ARHGAP15: variants seen among roughly 807,000 people sequenced by gnomAD.
ARHGAP15 encodes the protein Rho GTPase activating protein 15.
ARHGAP15 carries 51 observed loss-of-function variants against 63.7 expected under a neutral mutation model. The ratio of observed to expected loss-of-function variants is 0.80; its 90% CI spans 0.64 to 1.01. ARHGAP15 has a LOEUF of 1.01. ARHGAP15 is among the 50% of genes least tolerant of loss of function. The pLI is 0.00. For synonymous variants in ARHGAP15, 191 were observed against 193.8 expected (o/e 0.99, Z 0.12); for missense variants, 560 against 564.6 (o/e 0.99, Z 0.08).
intron 10 of ARHGAP15, among the ~76,000 whole-genome samples, chr2:143,543,667 A>T (rs1033004116): frequency 6.6e-6 from 1 of 151,944 alleles, no homozygotes; most frequent in Non-Finnish European, 1.5e-5. Context: ...ATAAATATGT[A>T]TGTGTATATA....
chr2:143,680,099 T>G (rs1382509084), intron 12 of ARHGAP15, among the ~76,000 whole-genome samples: 5 of 150,684 alleles, frequency 3.3e-5, no homozygotes, highest in Admixed American at 1.3e-4. Context: ...GAGGAATAGT[T>G]AAATCATTTG....
At chr2:143,256,513 A>T (rs78956361) in intron 6 of ARHGAP15, among the ~76,000 whole-genome samples, 3,392 of 152,226 alleles carry the variant, frequency 0.022, 62 homozygotes, top group Non-Finnish European at 0.033. Context: ...AATACTTAAA[A>T]GCATATCACC....
At chr2:143,184,111 T>C (rs950901819) in intron 2 of ARHGAP15, among the ~76,000 whole-genome samples, 1 of 152,124 alleles carries the variant, frequency 6.6e-6, no homozygotes, top group Non-Finnish European at 1.5e-5. Context: ...TATTTTGAAG[T>C]ATATCATGTA....
Position 143,658,339 on chromosome 2 carries a change from T to C in ARHGAP15, c.1138+34072T>C, listed in dbSNP as rs1433339815. ...GGACAGAGCAGGGTAGAACTTCGGGTGTATTTGTATCAAAAGCCTATACTC... is the reference window on the plus strand; with the variant it reads ...GGACAGAGCAGGGTAGAACTTCGGGCGTATTTGTATCAAAAGCCTATACTC... On this transcript the variant is annotated intron_variant, in intron 12 of 13. Coordinates refer to ENST00000295095, the MANE Select transcript of ARHGAP15 (RefSeq NM_018460.4). Among the ~76,000 whole-genome samples, 3 of 152,186 alleles carry C rather than the reference T, an allele frequency of 2.0e-5. No homozygotes were observed. In the East Asian group the frequency reaches 5.8e-4, roughly 29 times the overall value.
At chr2:143,732,020 CAG>C (rs1390408912) in intron 13 of ARHGAP15, among the ~76,000 whole-genome samples, 2 of 152,284 alleles carry the variant, frequency 1.3e-5, no homozygotes, top group East Asian at 1.9e-4. Flanking sequence ...CCTTCCTTCT[CAG>C]AGTTACTTGC....
intron 13 of ARHGAP15, among the ~76,000 whole-genome samples, chr2:143,753,304 G>A (rs1000920907): frequency 2.0e-5 from 3 of 152,102 alleles, no homozygotes; most frequent in Admixed American, 1.3e-4. Context: ...AGATCTAAGT[G>A]GCCCATCTCT....
chr2:143,738,401 A>G (rs568393146), intron 13 of ARHGAP15, among the ~76,000 whole-genome samples: 4 of 152,314 alleles, frequency 2.6e-5, no homozygotes, highest in African/African-American at 4.8e-5. Flanking sequence ...GTGGATTTGA[A>G]CATTTGGATT....
intron 6 of ARHGAP15, among the ~76,000 whole-genome samples, chr2:143,396,538 T>C (rs1687767658): frequency 6.6e-6 from 1 of 151,890 alleles, no homozygotes; most frequent in Admixed American, 6.6e-5. Flanking sequence ...TTTGGTTCAA[T>C]AATAAGGAGC....
At chr2:143,314,901 G>A (rs1574259316) in intron 6 of ARHGAP15, among the ~76,000 whole-genome samples, 1 of 152,222 alleles carries the variant, frequency 6.6e-6, no homozygotes, top group East Asian at 1.9e-4. Context: ...TCATTAATAA[G>A]TAAATCTAAT....
chr2:143,362,046 G>A (rs1005122364), intron 6 of ARHGAP15, among the ~76,000 whole-genome samples: 2 of 152,034 alleles, frequency 1.3e-5, no homozygotes, highest in African/African-American at 4.8e-5. Context: ...AGTTTAAGTT[G>A]GTTTTCCAGA....
chr2:143,616,048 GTC>G (rs1481916790), intron 11 of ARHGAP15, among the ~76,000 whole-genome samples: 1 of 151,988 alleles, frequency 6.6e-6, no homozygotes, highest in African/African-American at 2.4e-5. Context: ...AAAGAAAAAA[GTC>G]TGTTCATTTT....
intron 6 of ARHGAP15, among the ~76,000 whole-genome samples, chr2:143,262,278 C>G (rs1468939252): frequency 6.6e-6 from 1 of 152,150 alleles, no homozygotes; most frequent in Non-Finnish European, 1.5e-5. Context: ...TAAATCTAAT[C>G]TGTTGCCATG....
chr2:143,244,545 G>A (rs182435344), intron 5 of ARHGAP15, among the ~76,000 whole-genome samples: 22 of 152,320 alleles, frequency 1.4e-4, no homozygotes, highest in African/African-American at 3.1e-4. Flanking sequence ...AATGTCTGGC[G>A]TTGTGAAAAC....
At chr2:143,471,685 A>C (rs577196070) in intron 8 of ARHGAP15, among the ~76,000 whole-genome samples, 32 of 152,142 alleles carry the variant, frequency 2.1e-4, no homozygotes, top group Non-Finnish European at 3.8e-4. Flanking sequence ...TTCAGGTCAG[A>C]GGAAGAAGCA....
intron 2 of ARHGAP15, among the ~76,000 whole-genome samples, chr2:143,173,046 A>C (rs944399630): frequency 2.0e-5 from 3 of 152,100 alleles, no homozygotes; most frequent in Non-Finnish European, 4.4e-5. Flanking sequence ...TCAATAAAGA[A>C]GGGGTGCCCA....
intron 1 of ARHGAP15, among the ~76,000 whole-genome samples, chr2:143,138,217 A>G (rs1286780289): frequency 6.6e-6 from 1 of 152,090 alleles, no homozygotes; most frequent in Admixed American, 6.5e-5. Context: ...TGCATTTGGT[A>G]TCCACAAAAA....
rs375451579 is a variant in ARHGAP15, at chr2:143,340,316, A to G, written c.474+89716A>G. Among the ~76,000 whole-genome samples, 37 of 152,258 alleles carry G rather than the reference A, an allele frequency of 2.4e-4. 1 individual carries two copies. The East Asian group carries it at 5.8e-3, about 24-fold the overall frequency. ...AAGCAAGAGGAAAGAGACTGGAAGA[A>G]AAAAAGGCCTGTGGGTGCTGTTTTA... is the stretch of plus-strand genomic sequence containing the variant. On this transcript the variant is annotated intron_variant, in intron 6 of 13. Transcript: ENST00000295095.
At chr2:143,134,589 C>A (rs2104980303) in intron 1 of ARHGAP15, among the ~76,000 whole-genome samples, 2 of 151,204 alleles carry the variant, frequency 1.3e-5, no homozygotes, top group South Asian at 4.2e-4. Context: ...TCAAAGGAAG[C>A]AAAGAACTAG....
intron 5 of ARHGAP15, among the ~76,000 whole-genome samples, chr2:143,250,135 A>G (rs1168438475): frequency 6.6e-6 from 1 of 152,100 alleles, no homozygotes; most frequent in Admixed American, 6.6e-5. Flanking sequence ...TCTAAAAGTA[A>G]TATAACTTAA....
Sources: allele counts gnomAD v4.1 joint callset (sites outside exome capture counted in the v4.1 genomes callset), GRCh38; gene constraint gnomAD v4.1.1; transcripts MANE v1.5; gene names NCBI Gene and HGNC (gene_info 2026-07-23, HGNC 2026-07-21).